Variants in GRAMD1B observed in about 807,000 individuals in gnomAD.
GRAMD1B encodes the protein GRAM domain containing 1B.
Under a neutral mutation model 99.7 loss-of-function variants are expected in GRAMD1B, and 37 were observed. The observed-to-expected ratio is 0.37, with a 90% CI of 0.29 to 0.49. The LOEUF is 0.49. Ranked by LOEUF, GRAMD1B falls within the 20% of genes least tolerant of loss-of-function variation. The probability of loss-of-function intolerance (pLI) is 0.98; values close to 1 mark genes in which losing one functional copy is unlikely to be tolerated. For synonymous variants in GRAMD1B, 427 were observed against 387.6 expected (o/e 1.10, Z -1.19); for missense variants, 888 against 1,009.2 (o/e 0.88, Z 1.63).
At chr11:123,560,323 G>A in intron 2 of GRAMD1B, 1 of 1,155,660 alleles carries the variant, frequency 8.7e-7, no homozygotes, top group Non-Finnish European at 1.1e-6. Flanking sequence ...GCCAGGCAGA[G>A]AGAGAGAGGG....
intron 1 of GRAMD1B, among the ~76,000 whole-genome samples, chr11:123,452,123 T>C (rs1278609733): frequency 6.6e-6 from 1 of 152,184 alleles, no homozygotes; most frequent in Non-Finnish European, 1.5e-5. Flanking sequence ...TGGGAGCCAC[T>C]GCACCCAGTC....
rs1012836790 is a variant in GRAMD1B at position 123,610,097 on chromosome 11, A to G, written c.1777-99A>G. On this transcript the variant is annotated intron_variant, in intron 13 of 19. Coordinates refer to ENST00000635736, the MANE Select transcript of GRAMD1B (RefSeq NM_001387025.1). The surrounding 1 kb of genome is among the most constrained non-coding windows in gnomAD (Gnocchi z 4.1). Reference sequence around the variant, plus strand: ...AGTGATCCTGGTTCTCCTGTTCAGAAGCCGTGGGGTGGGGTGGGCTTGGGG... The same window carrying G: ...AGTGATCCTGGTTCTCCTGTTCAGAGGCCGTGGGGTGGGGTGGGCTTGGGG... The G allele has an allele frequency of 9.4e-7, 1 of 1,059,270 alleles. No homozygotes were observed. The highest frequency in any genetic ancestry group is 1.6e-5 in the African/African-American group (1 of 63,730). 65.6% of individuals were successfully genotyped at this position (1,059,270 alleles called of 1,614,324 possible).
Position 123,624,595 on chromosome 11 carries a change from T to C in GRAMD1B, c.*2000T>C, listed in dbSNP as rs1316735953. 1 of 152,188 alleles carries C rather than the reference T, an allele frequency of 6.6e-6. No homozygotes were observed. The highest frequency in any genetic ancestry group is 1.5e-5 in the Non-Finnish European group (1 of 68,056). The allele number at this position is 152,188 out of a possible 1,614,324, so 9.4% of individuals were successfully genotyped here. A position where few individuals can be genotyped will look rare whatever the true frequency, so the allele number is the denominator to read the frequency against. ...GTCCAGGCCTTTGGGTGAGGGACAC[T>C]GGTAGGGATCAAGGCTCATGGGCTC... is the stretch of plus-strand genomic sequence containing the variant. On this transcript the variant is annotated 3_prime_UTR_variant, in exon 20 of 20. Coordinates refer to ENST00000635736, the MANE Select transcript of GRAMD1B (RefSeq NM_001387025.1).
upstream of GRAMD1B, among the ~76,000 whole-genome samples, chr11:123,427,767 G>A (rs1948706019): frequency 6.6e-6 from 1 of 152,194 alleles, no homozygotes; most frequent in Non-Finnish European, 1.5e-5. Flanking sequence ...TCCCAATCAA[G>A]TGAAACATTT....
At chr11:123,520,727 C>T (rs1278766478) in intron 2 of GRAMD1B, among the ~76,000 whole-genome samples, 6 of 142,474 alleles carry the variant, frequency 4.2e-5, no homozygotes, top group Middle Eastern at 3.5e-3. Flanking sequence ...TGCAGTGAGC[C>T]GTGATCATGC....
In GRAMD1B at chr11:123,602,301, A is replaced by AATTATTATTATTATTATTATT. The variant is rs4063750; in HGVS notation, c.1051-1124_1051-1104dup. On this transcript the variant is annotated intron_variant, in intron 8 of 19. Transcript: ENST00000635736. ...GAAACTGTGGGCTTGGGAGCTCTCA[A>AATTATTATTATTATTATTATT]ATTATTATTATTATTATTATTGTTA... Among the ~76,000 whole-genome samples, 8 of 150,406 alleles carry AATTATTATTATTATTATTATT rather than the reference A, an allele frequency of 5.3e-5. No homozygotes were observed. In the South Asian group the frequency reaches 1.5e-3, roughly 28 times the overall value.
intron 1 of GRAMD1B, among the ~76,000 whole-genome samples, chr11:123,369,763 T>C (rs1946457829): frequency 6.6e-6 from 1 of 151,458 alleles, no homozygotes; most frequent in South Asian, 2.1e-4. Flanking sequence ...TCCCAGCTAC[T>C]CAGGAGGTTG....
chr11:123,435,849 C>A (rs1424758415), intron 1 of GRAMD1B: 6 of 169,470 alleles, frequency 3.5e-5, no homozygotes, highest in African/African-American at 1.2e-4. Context: ...AAGCATAATT[C>A]AGTGGTTTTT....
At chr11:123,616,299 G>A (rs1432075909) in intron 17 of GRAMD1B, among the ~76,000 whole-genome samples, 1 of 152,230 alleles carries the variant, frequency 6.6e-6, no homozygotes, top group Non-Finnish European at 1.5e-5. Context: ...TCCAGCCTGG[G>A]TGAAAGAGTG....
At chr11:123,414,924 C>G (rs1267594978) in intron 1 of GRAMD1B, among the ~76,000 whole-genome samples, 1 of 152,130 alleles carries the variant, frequency 6.6e-6, no homozygotes, top group African/African-American at 2.4e-5. Flanking sequence ...CATTGACTCT[C>G]TTTCAGAAGA....
At position 123,606,713 on chromosome 11, in the gene GRAMD1B, TC is replaced by T; in HGVS notation, c.1430del (p.Pro477LeufsTer2). 1 of 1,613,652 alleles carries T rather than the reference TC, an allele frequency of 6.2e-7. No individual in the cohort carries two copies. Among genetic ancestry groups the T allele is most frequent in the Non-Finnish European group, 8.5e-7 (1 of 1,179,718 alleles). ...IMGEKIEMIAPVNSPSLDFND... is the reference protein window; with the variant it reads ...IMGEKIEMIAXVNSPSLDFND... The stretch of plus-strand genomic sequence containing the variant: ...TGGGGGAGAAGATTGAGATGATCGC[TC>T]CTGTGAACTCCCCTTCACTGGACTT... On this transcript the variant is annotated frameshift_variant, in exon 11 of 20. Coordinates refer to ENST00000635736, the MANE Select transcript of GRAMD1B (RefSeq NM_001387025.1). LOFTEE classifies it high-confidence loss of function.
intron 2 of GRAMD1B, among the ~76,000 whole-genome samples, chr11:123,570,312 T>C (rs1427855388): frequency 1.3e-5 from 2 of 152,142 alleles, no homozygotes; most frequent in African/African-American, 4.8e-5. Flanking sequence ...TCCTGGTTCC[T>C]ACTGTGGGAA....
intron 1 of GRAMD1B, among the ~76,000 whole-genome samples, chr11:123,476,524 T>C (rs1464401604): frequency 6.6e-6 from 1 of 152,226 alleles, no homozygotes. Flanking sequence ...GTTGCCACCA[T>C]GGATTTATCT....
chr11:123,366,301 C>G (rs1946318630), intron 1 of GRAMD1B, among the ~76,000 whole-genome samples: 1 of 152,226 alleles, frequency 6.6e-6, no homozygotes, highest in Non-Finnish European at 1.5e-5. Context: ...TTAGCAGGAA[C>G]AGTAGGGCTA....
At chr11:123,606,876 T>C in intron 11 of GRAMD1B, 78 bp downstream of exon 11, 4 of 1,116,756 alleles carry the variant, frequency 3.6e-6, no homozygotes, top group Non-Finnish European at 3.9e-6. Context: ...GTGGGGACTG[T>C]AGTTAGTCTC....
chr11:123,431,988 G>T (rs78206655), intron 1 of GRAMD1B: 47,844 of 398,282 alleles, frequency 0.12, 3,125 homozygotes, highest in South Asian at 0.15. Flanking sequence ...TCGGTACCAC[G>T]AATCCTACAT....
At chr11:123,497,980 C>T (rs1053995440) in intron 2 of GRAMD1B, among the ~76,000 whole-genome samples, 1 of 152,144 alleles carries the variant, frequency 6.6e-6, no homozygotes, top group Non-Finnish European at 1.5e-5. Context: ...CTTCCCTCCC[C>T]CTTCCCGGCC....
chr11:123,619,634 G>A, intron 19 of GRAMD1B: 1 of 409,276 alleles, frequency 2.4e-6, no homozygotes, highest in Non-Finnish European at 3.3e-6. Context: ...TCCTCTGACA[G>A]TCAGTGGCAC....
At chr11:123,469,499 A>T (rs1465317330) in intron 1 of GRAMD1B, among the ~76,000 whole-genome samples, 2 of 152,092 alleles carry the variant, frequency 1.3e-5, no homozygotes, top group African/African-American at 2.4e-5. Flanking sequence ...CTTGGTGTCA[A>T]ACTGATGTGG....
Sources: gnomAD v4.1 joint callset for allele counts (sites outside exome capture counted in the v4.1 genomes callset) on GRCh38, gnomAD v4.1.1 for gene constraint, Gnocchi (gnomAD v3.1) non-coding constraint, MANE v1.5 for transcripts, NCBI Gene and HGNC (gene_info 2026-07-23, HGNC 2026-07-21) for gene names.